PARN: variants seen among roughly 807,000 people sequenced by gnomAD.
The protein encoded by PARN is poly(A)-specific ribonuclease, also known as poly(A)-specific ribonuclease PARN.
In PARN, 71 loss-of-function variants were observed where a neutral mutation model predicts 102.8. That is an observed-to-expected ratio of 0.69 (90% CI 0.57 to 0.84). PARN has a LOEUF of 0.84. Ranked by LOEUF, PARN falls within the 40% of genes least tolerant of loss-of-function variation. PARN has a pLI of 0.00. For synonymous variants in PARN, 261 were observed against 252.9 expected (o/e 1.03, Z -0.30); for missense variants, 782 against 760.9 (o/e 1.03, Z -0.33).
rs1567277256 is a variant in PARN, at chr16:14,435,895, T to TACACACACAC, written c.*821_*822insGTGTGTGTGT. The TACACACACAC allele has an allele frequency of 3.7e-5, 4 of 108,168 alleles. No homozygotes were observed. The South Asian group carries it at 1.6e-3, about 44-fold the overall frequency. 6.7% of individuals were successfully genotyped at this position (108,168 alleles called of 1,614,324 possible). ...GGGACATGTTGTAGATTTGCACGAT[T>TACACACACAC]TCACACACACACACACACACACACA... On this transcript the variant is annotated 3_prime_UTR_variant, in exon 24 of 24. Transcript: ENST00000437198.
At chr16:14,456,683 C>T (rs376503692) in intron 22 of PARN, among the ~76,000 whole-genome samples, 1 of 152,130 alleles carries the variant, frequency 6.6e-6, no homozygotes, top group Admixed American at 6.5e-5. Flanking sequence ...AATGACCTCC[C>T]CCAGGTACTG....
chr16:14,436,714 T>C lies in PARN; in HGVS notation c.*3A>G. 6.3e-7 allele frequency: 1 copy of C among 1,598,872 alleles called. No homozygotes were observed. The highest frequency in any genetic ancestry group is 2.3e-5 in the East Asian group (1 of 44,390). ...CCAGCGGTTTGCTGCCCTCAGGTCT[T>C]GGTTACCATGTGTCAGGAACTTCAA... On this transcript the variant is annotated 3_prime_UTR_variant, in exon 24 of 24. Transcript: ENST00000437198.
At chr16:14,603,504 G>T (rs780463926) in intron 11 of PARN, among the ~76,000 whole-genome samples, 1 of 151,940 alleles carries the variant, frequency 6.6e-6, no homozygotes, top group African/African-American at 2.4e-5. Flanking sequence ...CTACCCCGTT[G>T]TGCAAATGTC....
chr16:14,625,982 A>G (rs1223392241), intron 5 of PARN, among the ~76,000 whole-genome samples: 3 of 152,220 alleles, frequency 2.0e-5, no homozygotes, highest in Non-Finnish European at 2.9e-5. Context: ...AGCAGAAAGG[A>G]AACAGTGATA....
At chr16:14,604,421 C>T (rs571839366) in intron 10 of PARN, among the ~76,000 whole-genome samples, 195 bp from the exon 11 acceptor site, 2 of 151,856 alleles carry the variant, frequency 1.3e-5, no homozygotes, top group South Asian at 2.1e-4. Flanking sequence ...CCACCACACC[C>T]GGCTAATTTT....
chr16:14,550,651 T>C (rs1385496205), intron 21 of PARN, among the ~76,000 whole-genome samples: 1 of 152,234 alleles, frequency 6.6e-6, no homozygotes, highest in South Asian at 2.1e-4. Flanking sequence ...TCTGAATTTG[T>C]ATATTTGCAG....
intron 21 of PARN, among the ~76,000 whole-genome samples, chr16:14,545,138 A>G (rs536059995): frequency 1.3e-5 from 2 of 152,306 alleles, no homozygotes; most frequent in African/African-American, 4.8e-5. Flanking sequence ...CAGTGAGCCG[A>G]GATCATACTC....
intron 5 of PARN, among the ~76,000 whole-genome samples, chr16:14,618,771 G>A (rs901312884): frequency 6.6e-6 from 1 of 152,102 alleles, no homozygotes; most frequent in Non-Finnish European, 1.5e-5. Flanking sequence ...AATAGAACTA[G>A]TATGTATTTT....
intron 22 of PARN, among the ~76,000 whole-genome samples, chr16:14,477,672 G>C (rs1364041418): frequency 6.6e-6 from 1 of 151,404 alleles, no homozygotes; most frequent in Non-Finnish European, 1.5e-5. Context: ...CCAGCTACTC[G>C]GGAGGCTGAG....
chr16:14,453,476 C>T (rs1403356527), intron 22 of PARN, among the ~76,000 whole-genome samples: 5 of 152,272 alleles, frequency 3.3e-5, no homozygotes, highest in Non-Finnish European at 7.4e-5. Context: ...CAATGGAATT[C>T]ACTTATTTTA....
rs965939105 is a variant in PARN at position 14,584,775 on chromosome 16, A to G, written c.979T>C (p.Leu327=). The change falls in exon 15 of 24, where the codon TTG becomes CTG. Residue 327 remains leucine (L), a synonymous_variant. Transcript: ENST00000437198. ...TTAAAAGGTTGTGTGCTGGCCATCA[A>G]TTTAGTATCCAAGAGTCTAAAAAGA... ...CVFPRLLDTK[L]MASTQPFKDI... 7 of 1,565,918 alleles carry G rather than the reference A, an allele frequency of 4.5e-6. No individual in the cohort carries two copies. The highest frequency in any genetic ancestry group is 3.6e-5 in the South Asian group (3 of 83,558).
At chr16:14,603,548 C>T (rs1971003811) in intron 11 of PARN, among the ~76,000 whole-genome samples, 1 of 152,142 alleles carries the variant, frequency 6.6e-6, no homozygotes, top group Non-Finnish European at 1.5e-5. Context: ...CCCCTTCCTC[C>T]TCCACCACCC....
At chr16:14,537,550 T>G (rs988879469) in intron 21 of PARN, among the ~76,000 whole-genome samples, 5 of 152,092 alleles carry the variant, frequency 3.3e-5, no homozygotes, top group African/African-American at 1.2e-4. Flanking sequence ...CATCAAAAGA[T>G]GAGTGGATAA....
At chr16:14,458,580 A>C (rs1363610192) in intron 22 of PARN, among the ~76,000 whole-genome samples, 1 of 152,170 alleles carries the variant, frequency 6.6e-6, no homozygotes, top group Non-Finnish European at 1.5e-5. Context: ...AAAAGCAGGG[A>C]GAAGAGTGGC....
rs532247360 is a variant in PARN at position 14,551,435 on chromosome 16, G to C, written c.1480+586C>G. Among the ~76,000 whole-genome samples, 13 of 151,962 alleles carry C rather than the reference G, an allele frequency of 8.6e-5. No homozygotes were observed. The East Asian group carries it at 2.6e-3, about 30-fold the overall frequency. ...AATACAAAAATTAGCCGGGTATCAT[G>C]TTGCGCGCCTGTAATCCCAGCTACT... On this transcript the variant is annotated intron_variant, in intron 21 of 23. Transcript: ENST00000437198.
intron 22 of PARN, among the ~76,000 whole-genome samples, chr16:14,452,154 A>G (rs1480802800): frequency 6.6e-6 from 1 of 152,186 alleles, no homozygotes; most frequent in African/African-American, 2.4e-5. Flanking sequence ...TCAAGCAATG[A>G]TTTTGAAGGC....
At chr16:14,598,282 T>C (rs1970649895) in intron 12 of PARN, among the ~76,000 whole-genome samples, 1 of 152,184 alleles carries the variant, frequency 6.6e-6, no homozygotes, top group African/African-American at 2.4e-5. Flanking sequence ...TGCTTTGGGA[T>C]GTTGACTACC....
At chr16:14,586,201 C>T in intron 14 of PARN, 117 bp downstream of exon 14, 1 of 682,568 alleles carries the variant, frequency 1.5e-6, no homozygotes, top group South Asian at 1.7e-5. Flanking sequence ...GTTCTGAACT[C>T]CCTAGGCTCA....
chr16:14,562,218 C>T (rs766858665), intron 18 of PARN, among the ~76,000 whole-genome samples: 5 of 151,474 alleles, frequency 3.3e-5, no homozygotes, highest in East Asian at 1.9e-4. Flanking sequence ...GGCTCATGCC[C>T]GTAATCCCAG....
Sources: allele counts gnomAD v4.1 joint callset (sites outside exome capture counted in the v4.1 genomes callset), GRCh38; gene constraint gnomAD v4.1.1; transcripts MANE v1.5; gene names NCBI Gene and HGNC (gene_info 2026-07-23, HGNC 2026-07-21).